TENM1: variants seen among roughly 807,000 people sequenced by gnomAD.
The protein encoded by TENM1 is teneurin transmembrane protein 1.
TENM1 carries 35 observed loss-of-function variants against 174.8 expected under a neutral mutation model. That is an observed-to-expected ratio of 0.20 (90% CI 0.15 to 0.27). TENM1 has a LOEUF of 0.27. TENM1 is among the 10% of genes least tolerant of loss of function. TENM1 has a pLI of 1.00. For missense variants in TENM1, 1,633 were observed against 2,130.1 expected, an observed-to-expected ratio of 0.77 and a Z score of 4.59; for synonymous variants, 781 against 798.7, an observed-to-expected ratio of 0.98 and a Z score of 0.37.
chrX:125,121,688 TG>T, the TENM1 span, among the ~76,000 whole-genome samples: 2 of 112,109 alleles, frequency 1.8e-5, no homozygotes, highest in African/African-American at 6.5e-5. Flanking sequence ...TCCCTCCCCT[TG>T]GAGGTTGACT....
intron 11 of TENM1, among the ~76,000 whole-genome samples, chrX:124,599,218 G>C (rs749732906): frequency 8.1e-5 from 9 of 111,208 alleles, no homozygotes; most frequent in Admixed American, 1.9e-4. Context: ...GAGTGCAAAG[G>C]ATATGGAAAA....
chrX:124,886,764 A>T (rs1019487514), intron 3 of TENM1, among the ~76,000 whole-genome samples: 5 of 100,161 alleles, frequency 5.0e-5, no homozygotes, highest in Non-Finnish European at 1.0e-4. Flanking sequence ...TTAATATAGG[A>T]AGTACTCTAG....
At chrX:125,201,749 GAA>G in the TENM1 span, among the ~76,000 whole-genome samples, 1 of 111,650 alleles carries the variant, frequency 9.0e-6, no homozygotes, top group African/African-American at 3.3e-5. Flanking sequence ...CTTTAATCAT[GAA>G]AAGTTTTCAA....
At chrX:124,786,141 T>A (rs2055030461) in intron 3 of TENM1, among the ~76,000 whole-genome samples, 1 of 111,563 alleles carries the variant, frequency 9.0e-6, no homozygotes, top group Admixed American at 9.6e-5. Context: ...GATATTATCT[T>A]ATTTGGAAGC....
At chrX:124,511,536 C>G (rs2047584588) in intron 18 of TENM1, among the ~76,000 whole-genome samples, 1 of 111,394 alleles carries the variant, frequency 9.0e-6, no homozygotes, top group Admixed American at 9.5e-5. Flanking sequence ...AATCCCTGCT[C>G]TGTACAGGAC....
intron 3 of TENM1, among the ~76,000 whole-genome samples, chrX:124,796,636 T>C (rs1430437656): frequency 9.0e-6 from 1 of 111,611 alleles, no homozygotes; most frequent in African/African-American, 3.3e-5. Flanking sequence ...AATATTGTTC[T>C]CTGCTGGGAA....
chrX:125,173,594 G>A, the TENM1 span, among the ~76,000 whole-genome samples: 1 of 111,135 alleles, frequency 9.0e-6, no homozygotes, highest in African/African-American at 3.3e-5. Flanking sequence ...TCCTTTTAAA[G>A]CATTGGAACT....
intron 3 of TENM1, among the ~76,000 whole-genome samples, chrX:124,755,295 A>G (rs953700450): frequency 5.4e-5 from 6 of 110,459 alleles, no homozygotes; most frequent in African/African-American, 2.0e-4. Flanking sequence ...GTTTTATCAG[A>G]GACTAGGATG....
Position 124,529,999 on chromosome X carries a change from A to G in TENM1, c.2652-16T>C. On this transcript the variant is annotated splice_polypyrimidine_tract_variant and intron_variant, in intron 15 of 31. Coordinates refer to ENST00000422452, the Ensembl canonical transcript of TENM1. ...ACAGGCACGCCTGCAACACAAGACC[A>G]AAGGCAAACAGAAAAGCATGTTGAG... 8.3e-7 allele frequency: 1 copy of G among 1,203,127 alleles called. No individual in the cohort carries two copies. The highest frequency in any genetic ancestry group is 1.8e-5 in the South Asian group (1 of 54,803).
the TENM1 span, among the ~76,000 whole-genome samples, chrX:125,158,643 C>CATT: frequency 9.1e-6 from 1 of 110,136 alleles, no homozygotes; most frequent in Non-Finnish European, 1.9e-5. Context: ...TAACTAGATG[C>CATT]ACATTTTAAC....
At chrX:125,075,739 A>G in the TENM1 span, among the ~76,000 whole-genome samples, 1 of 111,425 alleles carries the variant, frequency 9.0e-6, no homozygotes, top group East Asian at 2.9e-4. Flanking sequence ...GCAAATCCAT[A>G]AACCTAGTAA....
chrX:124,878,462 T>C (rs2057246652), intron 3 of TENM1, among the ~76,000 whole-genome samples: 1 of 109,552 alleles, frequency 9.1e-6, no homozygotes, highest in Non-Finnish European at 1.9e-5. Context: ...ATTTGGGTTA[T>C]GAGAGTGGAT....
At chrX:125,099,139 T>C in the TENM1 span, among the ~76,000 whole-genome samples, 1 of 112,259 alleles carries the variant, frequency 8.9e-6, no homozygotes, top group Admixed American at 9.5e-5. Flanking sequence ...GTATTTCTAA[T>C]AGTTGCTTCA....
the TENM1 span, among the ~76,000 whole-genome samples, chrX:124,971,961 G>A: frequency 4.5e-5 from 5 of 111,400 alleles, no homozygotes; most frequent in African/African-American, 1.6e-4. Context: ...CGGGCTAGGC[G>A]TGGTGGCTAA....
intron 5 of TENM1, among the ~76,000 whole-genome samples, chrX:124,680,395 G>A (rs1426060999): frequency 2.7e-5 from 3 of 110,889 alleles, no homozygotes; most frequent in East Asian, 2.8e-4. Context: ...CATTTACTAC[G>A]TATTTTATAT....
At chrX:124,835,245 T>C (rs777143947) in intron 3 of TENM1, among the ~76,000 whole-genome samples, 2 of 112,142 alleles carry the variant, frequency 1.8e-5, no homozygotes, top group Non-Finnish European at 3.8e-5. Context: ...AGACATCTTT[T>C]GACTAAAACA....
intron 3 of TENM1, among the ~76,000 whole-genome samples, chrX:124,825,348 A>AGAGACAGGGTTTCATCATGTT: frequency 9.4e-6 from 1 of 106,162 alleles, no homozygotes; most frequent in Non-Finnish European, 1.9e-5. Flanking sequence ...TATATTTAGT[A>AGAGACAGGGTTTCATCATGTT]GAGACAGGGT....
At chrX:125,071,972 G>T in the TENM1 span, among the ~76,000 whole-genome samples, 1 of 111,036 alleles carries the variant, frequency 9.0e-6, no homozygotes, top group African/African-American at 3.3e-5. Flanking sequence ...AGTGTCGAAG[G>T]TCATCAAATT....
chrX:124,443,182 C>G (rs1259384992), intron 23 of TENM1, among the ~76,000 whole-genome samples: 1 of 106,071 alleles, frequency 9.4e-6, no homozygotes, highest in Non-Finnish European at 1.9e-5. Context: ...GAGGAGGCTG[C>G]ATATTACCCC....
Sources: gnomAD v4.1 joint callset for allele counts (sites outside exome capture counted in the v4.1 genomes callset) on GRCh38, gnomAD v4.1.1 for gene constraint, MANE v1.5 for transcripts, NCBI Gene and HGNC (gene_info 2026-07-23, HGNC 2026-07-21) for gene names.